The following KAT6B variants were observed in gnomAD, a reference collection of about 807,000 sequenced individuals.
KAT6B encodes the protein lysine acetyltransferase 6B, also known as histone acetyltransferase KAT6B.
KAT6B carries 10 observed loss-of-function variants against 187.5 expected under a neutral mutation model. The observed-to-expected ratio is 0.05, with a 90% confidence interval of 0.03 to 0.09. The LOEUF is 0.09. KAT6B is among the 10% of genes least tolerant of loss of function. The probability of loss-of-function intolerance (pLI) is 1.00; values close to 1 mark genes in which losing one functional copy is unlikely to be tolerated. For synonymous variants in KAT6B, 861 were observed against 926.8 expected, an observed-to-expected ratio of 0.93 and a Z score of 1.29; for missense variants, 1,952 against 2,558.9, an observed-to-expected ratio of 0.76 and a Z score of 5.12.
Position 74,977,847 on chromosome 10 carries a change from T to C in KAT6B, c.2115+410T>C, listed in dbSNP as rs1842260596. Among the ~76,000 whole-genome samples the C allele has an allele frequency of 1.3e-5, 2 of 152,222 alleles. 1 individual carries two copies. The highest frequency in any genetic ancestry group is 4.1e-4 in the South Asian group (2 of 4,830). ...CAGATGGCCAGCCATATGAAAAATG[T>C]CTCATATTTTTAGCTCTTCTGCATT... On this transcript the variant is annotated intron_variant, in intron 9 of 17. Transcript: ENST00000287239.
chr10:74,940,396 C>T (rs1849583226), intron 3 of KAT6B, among the ~76,000 whole-genome samples: 1 of 151,476 alleles, frequency 6.6e-6, no homozygotes, highest in Admixed American at 6.6e-5. Flanking sequence ...CTGCCTCAGC[C>T]TCCTGAGTAG....
chr10:74,949,419 GAAAAC>G (rs987389951), intron 3 of KAT6B, among the ~76,000 whole-genome samples: 13 of 151,824 alleles, frequency 8.6e-5, no homozygotes, highest in Non-Finnish European at 1.5e-4. Context: ...CATCTACCAG[GAAAAC>G]AAAACAAAAC....
intron 3 of KAT6B, among the ~76,000 whole-genome samples, chr10:74,956,006 C>G (rs575974419): frequency 1.3e-5 from 2 of 152,138 alleles, no homozygotes; most frequent in Non-Finnish European, 2.9e-5. Context: ...TCATTGCAGC[C>G]TCAACTTCCT....
chr10:74,999,827 G>T (rs1275963545), intron 13 of KAT6B, among the ~76,000 whole-genome samples: 1 of 152,156 alleles, frequency 6.6e-6, no homozygotes, highest in African/African-American at 2.4e-5. Flanking sequence ...AGTATTCTTT[G>T]GACAACTGTA....
intron 13 of KAT6B, among the ~76,000 whole-genome samples, chr10:74,993,943 CA>C (rs1843266202): frequency 6.6e-6 from 1 of 152,104 alleles, no homozygotes; most frequent in Non-Finnish European, 1.5e-5. Context: ...TGGTAACTGC[CA>C]GGCTTCTTCA....
chr10:74,950,066 A>G (rs1368740306), intron 3 of KAT6B, among the ~76,000 whole-genome samples: 1 of 152,224 alleles, frequency 6.6e-6, no homozygotes, highest in Non-Finnish European at 1.5e-5. Context: ...CCCACAGAGA[A>G]GTATAATGAG....
At chr10:74,909,691 A>G (rs1242604660) in intron 3 of KAT6B, among the ~76,000 whole-genome samples, 2 of 152,318 alleles carry the variant, frequency 1.3e-5, no homozygotes, top group Non-Finnish European at 1.5e-5. Context: ...TGTTTTTGAC[A>G]TAATTTAGGA....
Position 74,913,450 on chromosome 10 carries a change from C to G in KAT6B, c.622-46520C>G, listed in dbSNP as rs570110035. ...AAAGTTATGTGAATTTGTTTTCTCT[C>G]TCTCTCAAAATATCCTGTTGTGCTG... On this transcript the variant is annotated intron_variant, in intron 3 of 17. Transcript: ENST00000287239. Among the ~76,000 whole-genome samples the G allele has an allele frequency of 9.8e-5, 15 of 152,286 alleles. No homozygotes were observed. In the South Asian group the frequency reaches 3.1e-3, roughly 32 times the overall value.
intron 3 of KAT6B, among the ~76,000 whole-genome samples, chr10:74,955,075 C>A (rs897527474): frequency 2.6e-5 from 4 of 152,116 alleles, no homozygotes; most frequent in African/African-American, 9.7e-5. Flanking sequence ...GCTCAAGTCC[C>A]TTATGTAAAA....
intron 3 of KAT6B, among the ~76,000 whole-genome samples, chr10:74,893,584 C>T (rs531976967): frequency 4.3e-4 from 65 of 152,040 alleles, no homozygotes; most frequent in South Asian, 2.7e-3. Context: ...ATTCTCCTGG[C>T]TCAGCCTCCC....
intron 10 of KAT6B, 108 bp downstream of exon 10, chr10:74,979,447 T>G: frequency 1.2e-6 from 1 of 805,298 alleles, no homozygotes; most frequent in African/African-American, 1.7e-5. Flanking sequence ...AAATAAATTT[T>G]GGTAGTCAAT....
chr10:75,029,659 G>C lies in KAT6B; in HGVS notation c.4835G>C (p.Arg1612Pro). Residue 1612 changes from arginine (R) to proline (P), a missense_variant, in exon 18 of 18, where the codon CGT becomes CCT. Transcript: ENST00000287239. The surrounding 1 kb of genome is among the most constrained non-coding windows in gnomAD (Gnocchi z 6.2). ...SVHSHPGQSV[R>P]SVNSPSVPAL... ...CACTCCCATCCTGGCCAGTCCGTAC[G>C]TTCTGTCAACAGCCCAAGTGTCCCT... 6.2e-7 allele frequency: 1 copy of C among 1,614,122 alleles called. No individual in the cohort carries two copies. The highest frequency in any genetic ancestry group is 8.5e-7 in the Non-Finnish European group (1 of 1,180,020).
At position 74,976,028 on chromosome 10, in the gene KAT6B, G is replaced by A. The variant is rs372284989; in HGVS notation, c.1691G>A (p.Ser564Asn). Residue 564 changes from serine (S) to asparagine (N), a missense_variant, in exon 8 of 18, where the codon AGT (serine) becomes AAT (asparagine). By Grantham distance (46) the Ser-to-Asn change is conservative. Transcript: ENST00000287239. ...CAGTCTCGCAAAAAGGGACACCCGA[G>A]TTATGCACCACCCAAACGTATGCGT... ...QGQSRKKGHP[S>N]YAPPKRMRRK... 6.2e-7 allele frequency: 1 copy of A among 1,614,186 alleles called. No homozygotes were observed. The highest frequency in any genetic ancestry group is 8.5e-7 in the Non-Finnish European group (1 of 1,180,036).
intron 13 of KAT6B, among the ~76,000 whole-genome samples, chr10:75,006,971 G>A (rs1844246824): frequency 6.6e-6 from 1 of 151,862 alleles, no homozygotes; most frequent in East Asian, 1.9e-4. Context: ...GGGAGGCTGA[G>A]GCAGGAGCAT....
At chr10:74,868,455 T>C (rs1355662045) in intron 3 of KAT6B, among the ~76,000 whole-genome samples, 6 of 152,242 alleles carry the variant, frequency 3.9e-5, no homozygotes, top group Non-Finnish European at 7.3e-5. Flanking sequence ...TTGCTGAAAT[T>C]GTATGGCTCA....
intron 3 of KAT6B, among the ~76,000 whole-genome samples, chr10:74,959,557 T>C (rs1348659453): frequency 6.6e-6 from 1 of 152,134 alleles, no homozygotes; most frequent in Non-Finnish European, 1.5e-5. Flanking sequence ...TTTGGGAGGC[T>C]GAGGCAGGTG....
At chr10:74,853,331 C>A (rs993551377) in intron 3 of KAT6B, among the ~76,000 whole-genome samples, 5 of 151,704 alleles carry the variant, frequency 3.3e-5, no homozygotes, top group African/African-American at 1.2e-4. Flanking sequence ...CTCTGTTGCC[C>A]AGGCTGGAGT....
chr10:74,842,709 G>A lies in KAT6B; in HGVS notation c.-149G>A. 1.2e-6 allele frequency: 1 copy of A among 865,776 alleles called. No homozygotes were observed. The highest frequency in any genetic ancestry group is 1.9e-6 in the Non-Finnish European group (1 of 529,570). The allele number at this position is 865,776 out of a possible 1,614,324, so 53.6% of individuals were successfully genotyped here. A position where few individuals can be genotyped will look rare whatever the true frequency, so the allele number is the denominator to read the frequency against. ...TTTGTCTGCTTTTGAATCTCTTAAG[G>A]ATGGATGTTTGTAAGATGTTGCTTA... is the stretch of plus-strand genomic sequence containing the variant. On this transcript the variant is annotated 5_prime_UTR_variant, in exon 3 of 18. Coordinates refer to ENST00000287239, the MANE Select transcript of KAT6B (RefSeq NM_012330.4).
intron 3 of KAT6B, among the ~76,000 whole-genome samples, chr10:74,954,545 A>G (rs148522263): frequency 5.6e-4 from 86 of 152,286 alleles, no homozygotes; most frequent in Non-Finnish European, 1.1e-3. Flanking sequence ...GATGACTCCT[A>G]TTGGTGTAAG....
Sources: allele counts gnomAD v4.1 joint callset (sites outside exome capture counted in the v4.1 genomes callset), GRCh38; gene constraint gnomAD v4.1.1; non-coding constraint Gnocchi (gnomAD v3.1); transcripts MANE v1.5; gene names NCBI Gene and HGNC (gene_info 2026-07-23, HGNC 2026-07-21).